ADGRB3: variants seen among roughly 807,000 people sequenced by gnomAD.
ADGRB3 encodes brain-specific angiogenesis inhibitor 3.
ADGRB3 carries 37 observed loss-of-function variants against 193.4 expected under a neutral mutation model. The observed-to-expected ratio is 0.19, with a 90% CI of 0.15 to 0.25. The LOEUF (loss-of-function observed/expected upper bound fraction) is 0.25. Ranked by LOEUF, ADGRB3 falls within the 10% of genes least tolerant of loss-of-function variation. The pLI is 1.00. For missense variants in ADGRB3, 1,637 were observed against 1,852.9 expected (o/e 0.88, Z 2.14); for synonymous variants, 690 against 644.2 (o/e 1.07, Z -1.08).
At chr6:69,203,087 T>C (rs981822192) in intron 17 of ADGRB3, among the ~76,000 whole-genome samples, 3 of 152,130 alleles carry the variant, frequency 2.0e-5, no homozygotes. Flanking sequence ...GATAGAGTAC[T>C]GAGGTCTGAG....
intron 20 of ADGRB3, among the ~76,000 whole-genome samples, chr6:69,279,783 G>A (rs1481048414): frequency 6.6e-6 from 1 of 152,048 alleles, no homozygotes; most frequent in Admixed American, 6.6e-5. Flanking sequence ...TAGAAATTAA[G>A]GAGGGAGATA....
At chr6:69,354,584 A>G (rs900197375) in intron 27 of ADGRB3, among the ~76,000 whole-genome samples, 1 of 152,126 alleles carries the variant, frequency 6.6e-6, no homozygotes, top group African/African-American at 2.4e-5. Flanking sequence ...CTCCTTGCGT[A>G]GAATTAGGGC....
At chr6:69,090,833 A>G (rs1169673213) in intron 17 of ADGRB3, among the ~76,000 whole-genome samples, 2 of 152,216 alleles carry the variant, frequency 1.3e-5, no homozygotes, top group African/African-American at 4.8e-5. Context: ...GGTTGCCCCA[A>G]TCACAGTTAA....
intron 30 of ADGRB3, among the ~76,000 whole-genome samples, chr6:69,378,791 A>G (rs534276911): frequency 6.6e-6 from 1 of 152,110 alleles, no homozygotes; most frequent in South Asian, 2.1e-4. Context: ...AGTATTTTAA[A>G]TGGTCTAGGA....
intron 3 of ADGRB3, among the ~76,000 whole-genome samples, chr6:68,829,091 CTTTTTTTT>C (rs70987436): frequency 1.1e-5 from 1 of 94,660 alleles, no homozygotes; most frequent in Non-Finnish European, 2.1e-5. Context: ...GTTTAAGTAA[CTTTTTTTT>C]TTTTTTTTTT....
At chr6:69,006,696 CCG>C (rs201136545) in intron 11 of ADGRB3, among the ~76,000 whole-genome samples, 1,525 of 151,674 alleles carry the variant, frequency 0.01, 29 homozygotes, top group African/African-American at 0.035. Flanking sequence ...TTAGTAGAGA[CCG>C]AGTTTCACCA....
chr6:69,077,071 G>T lies in ADGRB3; in HGVS notation c.2480+1033G>T, dbSNP rs191264470. 1.4e-4 allele frequency among the ~76,000 whole-genome samples: 21 copies of T among 151,988 alleles called. No individual in the cohort carries two copies. The East Asian group carries it at 3.3e-3, about 24-fold the overall frequency. On this transcript the variant is annotated intron_variant, in intron 17 of 31. Coordinates refer to ENST00000370598, the MANE Select transcript of ADGRB3 (RefSeq NM_001704.3). The stretch of plus-strand genomic sequence containing the variant: ...TATTAAACATACTCTTTTGCTATAG[G>T]TTCTCATACTCTGGGTATCCTTTAC...
At chr6:69,315,185 AC>A (rs1360600358) in intron 20 of ADGRB3, among the ~76,000 whole-genome samples, 2 of 151,572 alleles carry the variant, frequency 1.3e-5, no homozygotes, top group Admixed American at 1.3e-4. Flanking sequence ...GAAAATGAGA[AC>A]CCTTTAAAGC....
intron 17 of ADGRB3, among the ~76,000 whole-genome samples, chr6:69,212,319 A>G (rs982842409): frequency 6.6e-6 from 1 of 152,196 alleles, no homozygotes; most frequent in Non-Finnish European, 1.5e-5. Flanking sequence ...AAATGGAAAC[A>G]CAAGTTCAAT....
At chr6:68,805,655 A>G (rs1197569855) in intron 3 of ADGRB3, among the ~76,000 whole-genome samples, 1 of 152,140 alleles carries the variant, frequency 6.6e-6, no homozygotes, top group Non-Finnish European at 1.5e-5. Flanking sequence ...GCATTCACCA[A>G]CCAGGTCATA....
chr6:69,096,229 T>C (rs1046376187), intron 17 of ADGRB3, among the ~76,000 whole-genome samples: 2 of 152,170 alleles, frequency 1.3e-5, no homozygotes, highest in East Asian at 3.9e-4. Context: ...AGGTTTAAAA[T>C]TTAATTTACC....
chr6:69,000,347 C>A (rs1769533593), intron 11 of ADGRB3, among the ~76,000 whole-genome samples: 1 of 152,198 alleles, frequency 6.6e-6, no homozygotes, highest in Non-Finnish European at 1.5e-5. Flanking sequence ...ACAACATTTT[C>A]ATCAACCAAT....
chr6:69,371,801 C>T (rs537639676), intron 29 of ADGRB3, among the ~76,000 whole-genome samples: 1 of 151,836 alleles, frequency 6.6e-6, no homozygotes, highest in African/African-American at 2.4e-5. Flanking sequence ...TACTGGGGTG[C>T]GGAATAGTTT....
rs909513838 is a variant in ADGRB3, at chr6:68,923,420, A to G, written c.758-7139A>G. Among the ~76,000 whole-genome samples, 3 of 152,070 alleles carry G rather than the reference A, an allele frequency of 2.0e-5. No homozygotes were observed. In the East Asian group the frequency reaches 5.8e-4, roughly 29 times the overall value. On this transcript the variant is annotated intron_variant, in intron 3 of 31. Transcript: ENST00000370598. ...AGAATTACCTAAATACCAGTGTTTTATGAAAAAAGAAGACATTTCATACTC... is the reference window on the plus strand; with the variant it reads ...AGAATTACCTAAATACCAGTGTTTTGTGAAAAAAGAAGACATTTCATACTC...
rs558552504 is a variant in ADGRB3, at chr6:68,880,922, TAA to T, written c.758-49632_758-49631del. 2.2e-3 allele frequency among the ~76,000 whole-genome samples: 342 copies of T among 152,304 alleles called. 1 individual carries two copies. The highest frequency in any genetic ancestry group is 8.0e-3 in the African/African-American group (331 of 41,572). On this transcript the variant is annotated intron_variant, in intron 3 of 31. Coordinates refer to ENST00000370598, the MANE Select transcript of ADGRB3 (RefSeq NM_001704.3). The stretch of plus-strand genomic sequence containing the variant: ...GGAATATAAAGGAATATAAAGCTAA[TAA>T]AAAATTCAGCCCTATTTGTATAAAT...
At chr6:68,654,219 C>T (rs1022968051) in intron 3 of ADGRB3, among the ~76,000 whole-genome samples, 1 of 151,816 alleles carries the variant, frequency 6.6e-6, no homozygotes, top group Non-Finnish European at 1.5e-5. Flanking sequence ...CCCTCAGAGG[C>T]GGGAGAGGAA....
At chr6:68,836,443 T>A (rs1398287155) in intron 3 of ADGRB3, among the ~76,000 whole-genome samples, 1 of 152,124 alleles carries the variant, frequency 6.6e-6, no homozygotes, top group Non-Finnish European at 1.5e-5. Context: ...AAACTCCTTA[T>A]TTCCTGCATT....
At chr6:68,895,112 G>A (rs547645852) in intron 3 of ADGRB3, among the ~76,000 whole-genome samples, 2 of 151,766 alleles carry the variant, frequency 1.3e-5, no homozygotes, top group African/African-American at 2.4e-5. Flanking sequence ...TTCTGAAGAT[G>A]ATATTCATTA....
chr6:68,713,152 G>A (rs184367620), intron 3 of ADGRB3, among the ~76,000 whole-genome samples: 1 of 151,874 alleles, frequency 6.6e-6, no homozygotes, highest in Admixed American at 6.6e-5. Context: ...ATACCATATG[G>A]TGTCATCAAC....
Sources: gnomAD v4.1 joint callset for allele counts (sites outside exome capture counted in the v4.1 genomes callset) on GRCh38, gnomAD v4.1.1 for gene constraint, MANE v1.5 for transcripts, NCBI Gene and HGNC (gene_info 2026-07-23, HGNC 2026-07-21) for gene names.